Variants in RTKN2 observed in about 807,000 individuals in gnomAD.
RTKN2 encodes the protein rhotekin-2.
In RTKN2, 69 loss-of-function variants were observed where a neutral mutation model predicts 71.5. The observed-to-expected ratio is 0.96, with a 90% CI of 0.79 to 1.18. The LOEUF (loss-of-function observed/expected upper bound fraction) is 1.18. Ranked by LOEUF, RTKN2 falls within the 50% of genes most tolerant of loss-of-function variation. The pLI is 0.00. For missense variants in RTKN2, 724 were observed against 719.7 expected (o/e 1.01, Z -0.07); for synonymous variants, 236 against 236.5 (o/e 1.00, Z 0.02).
chr10:62,237,347 TAA>T (rs896672212), intron 5 of RTKN2, among the ~76,000 whole-genome samples: 1 of 151,942 alleles, frequency 6.6e-6, no homozygotes, highest in Non-Finnish European at 1.5e-5. Context: ...GAATTTGGAA[TAA>T]GTTTATGTTA....
At chr10:62,258,807 T>A (rs1747227969) in intron 2 of RTKN2, among the ~76,000 whole-genome samples, 1 of 152,088 alleles carries the variant, frequency 6.6e-6, no homozygotes, top group African/African-American at 2.4e-5. Context: ...CTGTAATAGC[T>A]CACCATGGCA....
intron 6 of RTKN2, among the ~76,000 whole-genome samples, chr10:62,232,865 T>A (rs1224702387): frequency 6.6e-6 from 1 of 152,104 alleles, no homozygotes; most frequent in Non-Finnish European, 1.5e-5. Flanking sequence ...CTCGTAATTA[T>A]CCTATGGAGT....
At position 62,197,784 on chromosome 10, in the gene RTKN2, T is replaced by C. The variant is rs1841357907; in HGVS notation, c.*124A>G. 2.8e-6 allele frequency: 4 copies of C among 1,429,068 alleles called. No homozygotes were observed. The highest frequency in any genetic ancestry group is 3.1e-5 in the South Asian group (2 of 63,920). 88.5% of individuals were successfully genotyped at this position (1,429,068 alleles called of 1,614,324 possible). A position where few individuals can be genotyped will look rare whatever the true frequency, so the allele number is the denominator to read the frequency against. On this transcript the variant is annotated 3_prime_UTR_variant, in exon 12 of 12. Transcript: ENST00000373789. Reference sequence around the variant, plus strand: ...TTATAAAATGTTTTTCTATACCTAATAGCTTATTAATTATTGGTATAAATC... The same window carrying C: ...TTATAAAATGTTTTTCTATACCTAACAGCTTATTAATTATTGGTATAAATC...
chr10:62,245,320 G>T (rs1429813649), intron 3 of RTKN2, among the ~76,000 whole-genome samples: 2 of 152,130 alleles, frequency 1.3e-5, no homozygotes, highest in Non-Finnish European at 2.9e-5. Context: ...ATATTTAAGA[G>T]AATGTAGTTA....
At chr10:62,241,028 ATTCT>A in intron 4 of RTKN2, 110 bp downstream of exon 4, 1 of 609,992 alleles carries the variant, frequency 1.6e-6, no homozygotes. Context: ...GATGCTGCTT[ATTCT>A]TTCAAATGAC....
intron 2 of RTKN2, among the ~76,000 whole-genome samples, chr10:62,249,531 ACAT>A (rs1290259551): frequency 2.6e-5 from 4 of 152,134 alleles, no homozygotes; most frequent in Non-Finnish European, 5.9e-5. Flanking sequence ...TCAGCTCAGT[ACAT>A]TCTAAAGAAC....
intron 2 of RTKN2, among the ~76,000 whole-genome samples, chr10:62,248,508 G>A (rs1036206741): frequency 1.3e-5 from 2 of 152,190 alleles, no homozygotes; most frequent in African/African-American, 4.8e-5. Context: ...GAGCCAGCCT[G>A]AGGAAATAGC....
chr10:62,259,842 T>A (rs1842741535), intron 2 of RTKN2, among the ~76,000 whole-genome samples: 1 of 152,078 alleles, frequency 6.6e-6, no homozygotes, highest in South Asian at 2.1e-4. Flanking sequence ...GTGAACCACT[T>A]CACCCGGCCT....
intron 3 of RTKN2, among the ~76,000 whole-genome samples, chr10:62,242,167 T>C (rs1428139735): frequency 2.0e-5 from 3 of 152,034 alleles, no homozygotes; most frequent in Non-Finnish European, 4.4e-5. Flanking sequence ...TACTGTTAAC[T>C]ATTGTACCTT....
At chr10:62,199,966 G>C in intron 10 of RTKN2, 105 bp from the exon 11 acceptor site, 2 of 702,800 alleles carry the variant, frequency 2.8e-6, no homozygotes, top group South Asian at 3.9e-5. Context: ...ATAAAAATCA[G>C]TGAATTTATA....
rs1841352380 is a variant in RTKN2, at chr10:62,197,408, A to G, written c.*500T>C. On this transcript the variant is annotated 3_prime_UTR_variant, in exon 12 of 12. Transcript: ENST00000373789. ...AAACTAGTGAGTTAAACAATAGATG[A>G]GAGCCAGTGAACCATTAGATGAGAA... is the stretch of plus-strand genomic sequence containing the variant. 1 of 986,312 alleles carries G rather than the reference A, an allele frequency of 1.0e-6. No individual in the cohort carries two copies. Among genetic ancestry groups the G allele is most frequent in the Non-Finnish European group, 1.2e-6 (1 of 830,362 alleles). The allele number at this position is 986,312 out of a possible 1,614,324, so 61.1% of individuals were successfully genotyped here.
At chr10:62,239,263 A>G (rs1362711964) in intron 5 of RTKN2, 1 of 156,928 alleles carries the variant, frequency 6.4e-6, no homozygotes, top group African/African-American at 2.4e-5. Context: ...CTGCAACCAA[A>G]TATCCTACAT....
chr10:62,194,416 T>C lies in RTKN2; in HGVS notation c.*3492A>G. Reference sequence around the variant, plus strand: ...TCAACTTTACATTATAATTTAAGACTAACAGTGAAGATGGCTACTAGAATA... The same window carrying C: ...TCAACTTTACATTATAATTTAAGACCAACAGTGAAGATGGCTACTAGAATA... On this transcript the variant is annotated 3_prime_UTR_variant, in exon 12 of 12. Transcript: ENST00000373789. The C allele has an allele frequency of 1.0e-6, 1 of 979,478 alleles. No homozygotes were observed. The highest frequency in any genetic ancestry group is 1.2e-6 in the Non-Finnish European group (1 of 824,540). The allele number at this position is 979,478 out of a possible 1,614,324, so 60.7% of individuals were successfully genotyped here. A position where few individuals can be genotyped will look rare whatever the true frequency, so the allele number is the denominator to read the frequency against.
At position 62,241,141 on chromosome 10, in the gene RTKN2, C is replaced by G; in HGVS notation, c.370+1G>C. 1 of 1,506,464 alleles carries G rather than the reference C, an allele frequency of 6.6e-7. No individual in the cohort carries two copies. 93.3% of individuals were successfully genotyped at this position (1,506,464 alleles called of 1,614,324 possible). A position where few individuals can be genotyped will look rare whatever the true frequency, so the allele number is the denominator to read the frequency against. On this transcript the variant is annotated splice_donor_variant, in intron 4 of 11. Transcript: ENST00000373789. LOFTEE classifies it high-confidence loss of function. ...CAATTACAAATTAAAATCATACATA[C>G]GTTCTTTATTGCTGAAGTGATCAGA... is the stretch of plus-strand genomic sequence containing the variant.
intron 3 of RTKN2, among the ~76,000 whole-genome samples, chr10:62,245,242 G>C (rs924227312): frequency 6.6e-6 from 1 of 151,992 alleles, no homozygotes. Flanking sequence ...TAGGAATTGA[G>C]AGAAAGGAAA....
intron 2 of RTKN2, among the ~76,000 whole-genome samples, chr10:62,260,532 A>G (rs982320873): frequency 2.1e-5 from 2 of 95,928 alleles, no homozygotes; most frequent in African/African-American, 6.9e-5. Context: ...ATGAACAAAT[A>G]TATGTGTGTG....
intron 6 of RTKN2, among the ~76,000 whole-genome samples, chr10:62,226,673 A>C (rs1429720053): frequency 6.6e-6 from 1 of 152,280 alleles, no homozygotes; most frequent in Non-Finnish European, 1.5e-5. Flanking sequence ...ACAAGTGGCC[A>C]TTCTCTGCTA....
At chr10:62,232,848 A>G (rs937300056) in intron 6 of RTKN2, among the ~76,000 whole-genome samples, 1 of 152,166 alleles carries the variant, frequency 6.6e-6, no homozygotes, top group Non-Finnish European at 1.5e-5. Context: ...GAATTATCTT[A>G]TTAAATCTCG....
exon 9 of RTKN2, chr10:62,184,272 A>G (rs749130986): frequency 8.5e-7 from 1 of 1,173,404 alleles, no homozygotes. Context: ...GAGAAATGTC[A>G]CATTGTATTT....
Sources: gnomAD v4.1 joint callset for allele counts (sites outside exome capture counted in the v4.1 genomes callset) on GRCh38, gnomAD v4.1.1 for gene constraint, MANE v1.5 for transcripts, NCBI Gene and HGNC (gene_info 2026-07-23, HGNC 2026-07-21) for gene names.